The following TENM1 variants were observed in gnomAD, a reference collection of about 807,000 sequenced individuals.
TENM1 encodes teneurin-1.
Under a neutral mutation model 174.8 loss-of-function variants are expected in TENM1, and 35 were observed. The observed-to-expected ratio is 0.20, with a 90% CI of 0.15 to 0.27. TENM1 has a LOEUF of 0.27. Among genes scored for constraint, TENM1 ranks in the 10% least tolerant of loss-of-function variants. TENM1 has a pLI of 1.00. For missense variants in TENM1, 1,633 were observed against 2,130.1 expected, an observed-to-expected ratio of 0.77 and a Z score of 4.59; for synonymous variants, 781 against 798.7, an observed-to-expected ratio of 0.98 and a Z score of 0.37.
chrX:125,174,991 C>T, the TENM1 span, among the ~76,000 whole-genome samples: 2 of 111,467 alleles, frequency 1.8e-5, no homozygotes, highest in Non-Finnish European at 3.8e-5. Flanking sequence ...AAATGAATAG[C>T]GTAGTACTTG....
the TENM1 span, among the ~76,000 whole-genome samples, chrX:124,972,106 T>A: frequency 0.17 from 18,670 of 107,949 alleles, 1,642 homozygotes; most frequent in African/African-American, 0.31. Context: ...CTTGGTGGGC[T>A]CCTGTAATCC....
the TENM1 span, among the ~76,000 whole-genome samples, chrX:125,041,938 G>C: frequency 1.8e-5 from 2 of 111,467 alleles, no homozygotes; most frequent in East Asian, 5.7e-4. Flanking sequence ...AATTGAAGAA[G>C]ACATAAAAAG....
At chrX:124,654,033 T>G (rs1007458639) in intron 6 of TENM1, among the ~76,000 whole-genome samples, 9 of 111,873 alleles carry the variant, frequency 8.0e-5, no homozygotes, top group Admixed American at 6.7e-4. Context: ...TTCACTCCTT[T>G]TAACCATTAT....
At chrX:124,866,938 T>C (rs1037391800) in intron 3 of TENM1, among the ~76,000 whole-genome samples, 1 of 111,161 alleles carries the variant, frequency 9.0e-6, no homozygotes, top group Non-Finnish European at 1.9e-5. Flanking sequence ...CTACCAAGAT[T>C]GAACTAGGAA....
chrX:124,435,284 T>G (rs1424841035), intron 23 of TENM1, among the ~76,000 whole-genome samples: 1 of 111,803 alleles, frequency 8.9e-6, no homozygotes, highest in African/African-American at 3.2e-5. Context: ...TGTTGCAGGT[T>G]GTTAATATTA....
At chrX:125,142,737 T>A in the TENM1 span, among the ~76,000 whole-genome samples, 1 of 111,379 alleles carries the variant, frequency 9.0e-6, no homozygotes, top group Non-Finnish European at 1.9e-5. Flanking sequence ...TTCAGGTCAT[T>A]CTAACAAGGA....
chrX:124,776,310 A>G (rs1056903902), intron 3 of TENM1, among the ~76,000 whole-genome samples: 2 of 112,055 alleles, frequency 1.8e-5, no homozygotes, highest in Admixed American at 9.4e-5. Context: ...AGTGGTAAAC[A>G]TGTGGGTAAA....
intron 5 of TENM1, among the ~76,000 whole-genome samples, chrX:124,676,304 A>G (rs1198320219): frequency 3.6e-5 from 2 of 55,276 alleles, no homozygotes; most frequent in Non-Finnish European, 6.4e-5. Context: ...ATATATATAT[A>G]TATATATATA....
At chrX:124,409,965 A>G (rs1185770952) in intron 25 of TENM1, among the ~76,000 whole-genome samples, 3 of 109,739 alleles carry the variant, frequency 2.7e-5, no homozygotes, top group Non-Finnish European at 5.7e-5. Flanking sequence ...TATAGATTCA[A>G]TGCCATCCCC....
chrX:125,003,508 G>A, the TENM1 span, among the ~76,000 whole-genome samples: 1 of 111,676 alleles, frequency 9.0e-6, no homozygotes. Flanking sequence ...GCTTGATTAA[G>A]AATTTTATTT....
At chrX:124,683,293 G>A (rs951736446) in intron 5 of TENM1, among the ~76,000 whole-genome samples, 1 of 111,660 alleles carries the variant, frequency 9.0e-6, no homozygotes, top group African/African-American at 3.3e-5. Context: ...CCTCAGTCTT[G>A]TTTCACCCAA....
chrX:124,490,407 A>G (rs2147959046), intron 20 of TENM1, among the ~76,000 whole-genome samples: 1 of 111,828 alleles, frequency 8.9e-6, no homozygotes, highest in South Asian at 3.8e-4. Context: ...TCAAAGCTCC[A>G]TTTCCATTTG....
At chrX:124,684,749 C>T (rs967645353) in intron 5 of TENM1, among the ~76,000 whole-genome samples, 1 of 111,986 alleles carries the variant, frequency 8.9e-6, no homozygotes, top group South Asian at 3.7e-4. Flanking sequence ...CCAAACTCAT[C>T]ATAGCACAAG....
chrX:124,436,612 G>A (rs2060840609), intron 23 of TENM1, among the ~76,000 whole-genome samples: 1 of 109,684 alleles, frequency 9.1e-6, no homozygotes, highest in Non-Finnish European at 1.9e-5. Flanking sequence ...TCCTGCCTCA[G>A]CCTCCTGAGT....
intron 8 of TENM1, among the ~76,000 whole-genome samples, chrX:124,650,225 A>AAAAAG (rs2051267982): frequency 9.4e-6 from 1 of 106,119 alleles, no homozygotes; most frequent in African/African-American, 3.6e-5. Flanking sequence ...AAAAAAAAAA[A>AAAAAG]AAAGAAAGAG....
chrX:124,972,867 CT>C, the TENM1 span, among the ~76,000 whole-genome samples: 1 of 111,926 alleles, frequency 8.9e-6, no homozygotes, highest in Non-Finnish European at 1.9e-5. Context: ...TTACTGCTAT[CT>C]TAGTTTGTTT....
chrX:124,893,227 G>A (rs1321027584), intron 3 of TENM1, among the ~76,000 whole-genome samples: 4 of 112,143 alleles, frequency 3.6e-5, no homozygotes, highest in Admixed American at 9.5e-5. Flanking sequence ...GTCAAAGTAA[G>A]ACATACAGAA....
At chrX:124,546,043 A>G (rs766380933) in intron 15 of TENM1, among the ~76,000 whole-genome samples, 2 of 111,981 alleles carry the variant, frequency 1.8e-5, no homozygotes, top group South Asian at 7.6e-4. Flanking sequence ...ACTGATATCA[A>G]TATAAACTCT....
intron 27 of TENM1, among the ~76,000 whole-genome samples, chrX:124,401,659 C>T (rs2060402415): frequency 8.9e-6 from 1 of 111,967 alleles, no homozygotes; most frequent in African/African-American, 3.2e-5. Context: ...ATAATAACGT[C>T]AGTGGGGGAA....
Sources: gnomAD v4.1 joint callset for allele counts (sites outside exome capture counted in the v4.1 genomes callset) on GRCh38, gnomAD v4.1.1 for gene constraint, MANE v1.5 for transcripts, NCBI Gene and HGNC (gene_info 2026-07-23, HGNC 2026-07-21) for gene names.